The following ABTB3 variants were observed in gnomAD, a reference collection of about 807,000 sequenced individuals.
ABTB3 encodes the protein ankyrin repeat- and BTB/POZ domain-containing protein 3.
At chr12:107,434,298 A>T in the ABTB3 span, among the ~76,000 whole-genome samples, 1 of 152,214 alleles carries the variant, frequency 6.6e-6, no homozygotes, top group Non-Finnish European at 1.5e-5. Flanking sequence ...CTCTGGTGGC[A>T]CAAGAAGGCT....
At chr12:107,547,297 C>A in the ABTB3 span, among the ~76,000 whole-genome samples, 1 of 152,178 alleles carries the variant, frequency 6.6e-6, no homozygotes, top group Non-Finnish European at 1.5e-5. Flanking sequence ...TGAGCTCCAT[C>A]TTCCTCACAG....
the ABTB3 span, among the ~76,000 whole-genome samples, chr12:107,469,862 TTTCTTTTC>T: frequency 8.4e-5 from 12 of 143,586 alleles, no homozygotes; most frequent in East Asian, 2.0e-4. Context: ...TCTTTCTTTC[TTTCTTTTC>T]TTTCTTTCTT....
the ABTB3 span, chr12:107,320,215 T>C: frequency 1.6e-6 from 2 of 1,280,828 alleles, no homozygotes; most frequent in African/African-American, 3.1e-5. Context: ...GGGCTGGAGG[T>C]AGCCAGAACA....
At chr12:107,360,932 T>TTAA in the ABTB3 span, among the ~76,000 whole-genome samples, 1 of 130,650 alleles carries the variant, frequency 7.7e-6, no homozygotes, top group Non-Finnish European at 1.6e-5. Context: ...TTAATTTAAT[T>TTAA]TTTTTTTTTT....
chr12:107,630,572 T>C, the ABTB3 span, among the ~76,000 whole-genome samples: 1 of 150,948 alleles, frequency 6.6e-6, no homozygotes, highest in Non-Finnish European at 1.5e-5. Flanking sequence ...ACCTCCCGAG[T>C]AGCTGGGACC....
chr12:107,599,700 C>T, the ABTB3 span, among the ~76,000 whole-genome samples: 1 of 152,174 alleles, frequency 6.6e-6, no homozygotes, highest in Non-Finnish European at 1.5e-5. Flanking sequence ...GGGCCCCTCT[C>T]TGACTCACTT....
At chr12:107,479,556 G>A in the ABTB3 span, among the ~76,000 whole-genome samples, 957 of 152,190 alleles carry the variant, frequency 6.3e-3, 28 homozygotes, top group East Asian at 0.048. Context: ...GGTGTTTGCC[G>A]TTATTATTCC....
At chr12:107,503,922 A>C in the ABTB3 span, among the ~76,000 whole-genome samples, 1 of 152,108 alleles carries the variant, frequency 6.6e-6, no homozygotes, top group Non-Finnish European at 1.5e-5. Context: ...TATCTGGGCT[A>C]CTTTCATGTA....
the ABTB3 span, among the ~76,000 whole-genome samples, chr12:107,523,602 A>T: frequency 2.0e-5 from 3 of 152,298 alleles, no homozygotes; most frequent in African/African-American, 7.2e-5. Context: ...GTGATATAAC[A>T]AGATATAGCA....
the ABTB3 span, among the ~76,000 whole-genome samples, chr12:107,428,668 C>T: frequency 6.6e-6 from 1 of 152,272 alleles, no homozygotes; most frequent in African/African-American, 2.4e-5. Flanking sequence ...CACTCCCTTG[C>T]TGTGCCTTCC....
At chr12:107,341,134 A>C in the ABTB3 span, among the ~76,000 whole-genome samples, 1 of 152,206 alleles carries the variant, frequency 6.6e-6, no homozygotes, top group Non-Finnish European at 1.5e-5. Flanking sequence ...CATACCCCTG[A>C]GTGCTGTCTC....
At chr12:107,440,152 T>C in the ABTB3 span, among the ~76,000 whole-genome samples, 1 of 152,208 alleles carries the variant, frequency 6.6e-6, no homozygotes, top group Non-Finnish European at 1.5e-5. Flanking sequence ...TGAAGCCCAC[T>C]TCATCACTGC....
the ABTB3 span, among the ~76,000 whole-genome samples, chr12:107,448,703 C>A: frequency 6.6e-6 from 1 of 151,428 alleles, no homozygotes; most frequent in Admixed American, 6.6e-5. Flanking sequence ...TGCAGTGGCA[C>A]AATCTTGGCT....
the ABTB3 span, among the ~76,000 whole-genome samples, chr12:107,399,090 AT>A: frequency 6.6e-6 from 1 of 152,072 alleles, no homozygotes; most frequent in Non-Finnish European, 1.5e-5. Flanking sequence ...CACCACAGCT[AT>A]TTTTTTCCTC....
chr12:107,511,468 A>G, the ABTB3 span, among the ~76,000 whole-genome samples: 2 of 151,940 alleles, frequency 1.3e-5, no homozygotes, highest in Admixed American at 1.3e-4. Flanking sequence ...ACTCTCTTAC[A>G]TTTTTAGGAG....
chr12:107,353,397 C>G, the ABTB3 span, among the ~76,000 whole-genome samples: 6 of 152,038 alleles, frequency 3.9e-5, no homozygotes, highest in African/African-American at 9.7e-5. Flanking sequence ...TGTAGGGAGA[C>G]AGAGCACAGT....
At chr12:107,388,401 C>G in the ABTB3 span, among the ~76,000 whole-genome samples, 4 of 151,016 alleles carry the variant, frequency 2.6e-5, no homozygotes, top group Admixed American at 6.6e-5. Context: ...CCTCCTTCTT[C>G]TTTTCCTCTC....
chr12:107,397,827 A>G, the ABTB3 span, among the ~76,000 whole-genome samples: 1 of 151,974 alleles, frequency 6.6e-6, no homozygotes, highest in Non-Finnish European at 1.5e-5. Context: ...TTCTCTAAGG[A>G]AAGTCATTGG....
At chr12:107,427,549 T>G in the ABTB3 span, among the ~76,000 whole-genome samples, 1 of 152,196 alleles carries the variant, frequency 6.6e-6, no homozygotes. Flanking sequence ...CCTGGCTCTG[T>G]GTCCCTCTTA....
Sources: gnomAD v4.1 joint callset for allele counts (sites outside exome capture counted in the v4.1 genomes callset) on GRCh38, gnomAD v4.1.1 for gene constraint, MANE v1.5 for transcripts, NCBI Gene and HGNC (gene_info 2026-07-23, HGNC 2026-07-21) for gene names.